Variants in NELL2 observed in about 807,000 individuals in gnomAD.
The protein encoded by NELL2 is protein kinase C-binding protein NELL2.
NELL2 carries 41 observed loss-of-function variants against 109.6 expected under a neutral mutation model. That is an observed-to-expected ratio of 0.37 (90% CI 0.29 to 0.49). The LOEUF (loss-of-function observed/expected upper bound fraction) is 0.49. Ranked by LOEUF, NELL2 falls within the 20% of genes least tolerant of loss-of-function variation. The pLI is 0.98. For synonymous variants in NELL2, 355 were observed against 344.7 expected (o/e 1.03, Z -0.33); for missense variants, 900 against 1,008.3 (o/e 0.89, Z 1.45).
chr12:44,846,792 C>A (rs1944384027), intron 2 of NELL2, among the ~76,000 whole-genome samples: 1 of 152,114 alleles, frequency 6.6e-6, no homozygotes, highest in Admixed American at 6.5e-5. Context: ...TTAAGTTGTC[C>A]AAATGATCTT....
At chr12:44,560,310 C>T (rs1219743346) in intron 15 of NELL2, among the ~76,000 whole-genome samples, 1 of 151,884 alleles carries the variant, frequency 6.6e-6, no homozygotes, top group Non-Finnish European at 1.5e-5. Context: ...TAGCAGAAGA[C>T]AAGAAATAAT....
At chr12:44,823,842 A>G (rs1231126520) in intron 2 of NELL2, among the ~76,000 whole-genome samples, 1 of 152,214 alleles carries the variant, frequency 6.6e-6, no homozygotes, top group African/African-American at 2.4e-5. Flanking sequence ...GTACCAATTT[A>G]CGTTCAAACC....
intron 12 of NELL2, among the ~76,000 whole-genome samples, chr12:44,666,400 C>T (rs1947926892): frequency 6.6e-6 from 1 of 152,140 alleles, no homozygotes; most frequent in Non-Finnish European, 1.5e-5. Context: ...TATTTAAGGA[C>T]CTTAATGCAT....
At chr12:44,849,941 C>A (rs1266453170) in intron 2 of NELL2, among the ~76,000 whole-genome samples, 1 of 152,100 alleles carries the variant, frequency 6.6e-6, no homozygotes, top group Admixed American at 6.6e-5. Context: ...CAAAACTAGT[C>A]TATTTTGTGA....
intron 2 of NELL2, among the ~76,000 whole-genome samples, chr12:44,871,511 C>T (rs1165330353): frequency 1.3e-5 from 2 of 152,138 alleles, no homozygotes; most frequent in African/African-American, 4.8e-5. Flanking sequence ...TAAGTAACTT[C>T]ACCACAGTAA....
At chr12:44,739,843 T>C (rs997867537) in intron 9 of NELL2, among the ~76,000 whole-genome samples, 5 of 152,134 alleles carry the variant, frequency 3.3e-5, no homozygotes, top group Non-Finnish European at 7.4e-5. Context: ...TGAGCCAAGA[T>C]TGCGCGACTG....
At chr12:44,780,603 G>C (rs1941922170) in intron 3 of NELL2, among the ~76,000 whole-genome samples, 2 of 151,974 alleles carry the variant, frequency 1.3e-5, no homozygotes, top group African/African-American at 4.8e-5. Flanking sequence ...CACAGCACTA[G>C]TGAAGACCAT....
chr12:44,674,772 T>C (rs1350660300), intron 12 of NELL2, among the ~76,000 whole-genome samples: 1 of 152,208 alleles, frequency 6.6e-6, no homozygotes. Context: ...GAAGACCTTT[T>C]ATGAATTAAT....
intron 2 of NELL2, among the ~76,000 whole-genome samples, chr12:44,837,742 T>C (rs530023348): frequency 7.2e-5 from 11 of 152,288 alleles, no homozygotes; most frequent in African/African-American, 2.6e-4. Flanking sequence ...TCCAAATACT[T>C]TTGCAGGACT....
intron 12 of NELL2, among the ~76,000 whole-genome samples, chr12:44,669,158 A>G (rs1283056033): frequency 6.6e-6 from 1 of 152,250 alleles, no homozygotes; most frequent in African/African-American, 2.4e-5. Flanking sequence ...CCGATAAATC[A>G]TACAGACTAC....
intron 2 of NELL2, among the ~76,000 whole-genome samples, chr12:44,830,035 T>C (rs1434140974): frequency 6.6e-6 from 1 of 152,208 alleles, no homozygotes; most frequent in African/African-American, 2.4e-5. Context: ...TGTTTTGACA[T>C]GGCTCTAGTA....
chr12:44,721,284 T>C (rs1213228854), intron 9 of NELL2, among the ~76,000 whole-genome samples: 2 of 152,152 alleles, frequency 1.3e-5, no homozygotes, highest in African/African-American at 4.8e-5. Context: ...TAACAGTCTA[T>C]TAAAACAACA....
chr12:44,847,670 GAC>G (rs1384849809), intron 2 of NELL2, among the ~76,000 whole-genome samples: 7 of 151,806 alleles, frequency 4.6e-5, no homozygotes, highest in African/African-American at 1.5e-4. Flanking sequence ...CTCCATGCAA[GAC>G]TGGAAAGGGT....
chr12:44,773,353 G>C (rs1179492547), intron 9 of NELL2, among the ~76,000 whole-genome samples: 1 of 152,070 alleles, frequency 6.6e-6, no homozygotes, highest in African/African-American at 2.4e-5. Flanking sequence ...GCAGGCACCT[G>C]TAGTCCCGAC....
intron 15 of NELL2, among the ~76,000 whole-genome samples, chr12:44,582,033 T>A (rs931557422): frequency 6.6e-6 from 1 of 152,196 alleles, no homozygotes; most frequent in Non-Finnish European, 1.5e-5. Flanking sequence ...TTTTTCCACA[T>A]TTTTCAAGGC....
In NELL2 at chr12:44,856,755, T is replaced by C. The variant is rs149389160; in HGVS notation, c.184+18470A>G. Among the ~76,000 whole-genome samples, 434 of 152,260 alleles carry C rather than the reference T, an allele frequency of 2.9e-3. 2 individuals carry two copies. Among genetic ancestry groups the C allele is most frequent in the Non-Finnish European group, 4.8e-3 (328 of 68,022 alleles). On this transcript the variant is annotated intron_variant, in intron 2 of 19. Coordinates refer to ENST00000429094, the MANE Select transcript of NELL2 (RefSeq NM_001145108.2). ...GAGTGGGAGTGTGCAGGTAAGACTT[T>C]ATAGGGCATAATAAGAACTCTGTCT...
At chr12:44,803,778 A>G (rs1942911571) in intron 3 of NELL2, among the ~76,000 whole-genome samples, 1 of 151,992 alleles carries the variant, frequency 6.6e-6, no homozygotes, top group African/African-American at 2.4e-5. Flanking sequence ...CTATTCATCA[A>G]TTCAGACACA....
At chr12:44,621,141 C>T (rs4768564) in intron 13 of NELL2, among the ~76,000 whole-genome samples, 87,913 of 151,932 alleles carry the variant, frequency 0.58, 25,909 homozygotes, top group East Asian at 0.73. Flanking sequence ...TCACGTGTGC[C>T]TCCTTGCTGC....
At chr12:44,820,767 G>GTA (rs967860602) in intron 2 of NELL2, among the ~76,000 whole-genome samples, 3 of 152,084 alleles carry the variant, frequency 2.0e-5, no homozygotes, top group African/African-American at 7.2e-5. Context: ...AAGCCTGATG[G>GTA]TACCCAAATG....
Sources: allele counts gnomAD v4.1 joint callset (sites outside exome capture counted in the v4.1 genomes callset), GRCh38; gene constraint gnomAD v4.1.1; transcripts MANE v1.5; gene names NCBI Gene and HGNC (gene_info 2026-07-23, HGNC 2026-07-21).